The following MACROD2 variants were observed in gnomAD, a reference collection of about 807,000 sequenced individuals.
MACROD2 encodes ADP-ribose glycohydrolase MACROD2.
Under a neutral mutation model 70.4 loss-of-function variants are expected in MACROD2, and 36 were observed. That is an observed-to-expected ratio of 0.51 (90% CI 0.39 to 0.68). The LOEUF is 0.68. Ranked by LOEUF, MACROD2 falls within the 30% of genes least tolerant of loss-of-function variation. The probability of loss-of-function intolerance (pLI) is 0.00; values close to 1 mark genes in which losing one functional copy is unlikely to be tolerated. For synonymous variants in MACROD2, 172 were observed against 178.8 expected (o/e 0.96, Z 0.30); for missense variants, 496 against 538.4 (o/e 0.92, Z 0.78).
At chr20:15,032,017 G>C (rs2075278903) in intron 5 of MACROD2, among the ~76,000 whole-genome samples, 1 of 152,210 alleles carries the variant, frequency 6.6e-6, no homozygotes, top group South Asian at 2.1e-4. Flanking sequence ...AGTCCGGAGG[G>C]GTTGAGGCGT....
At chr20:14,504,919 C>T (rs536502376) in intron 4 of MACROD2, among the ~76,000 whole-genome samples, 48 of 152,066 alleles carry the variant, frequency 3.2e-4, no homozygotes, top group Non-Finnish European at 6.0e-4. Context: ...GTTTTATATA[C>T]ATATGTATCT....
At chr20:14,370,382 C>T (rs1464677216) in intron 3 of MACROD2, among the ~76,000 whole-genome samples, 2 of 152,030 alleles carry the variant, frequency 1.3e-5, no homozygotes, top group Non-Finnish European at 2.9e-5. Context: ...ACTGAAAGGA[C>T]TTTAAGGGCA....
intron 3 of MACROD2, among the ~76,000 whole-genome samples, chr20:14,133,107 T>C (rs934647381): frequency 6.6e-6 from 1 of 152,150 alleles, no homozygotes; most frequent in South Asian, 2.1e-4. Context: ...TTGTTAGCCT[T>C]TTTGTTTTAT....
At chr20:15,542,941 C>G (rs1426747369) in intron 8 of MACROD2, among the ~76,000 whole-genome samples, 4 of 152,192 alleles carry the variant, frequency 2.6e-5, no homozygotes, top group African/African-American at 4.8e-5. Flanking sequence ...GTCTACCCCA[C>G]TGGCAGAGGG....
intron 8 of MACROD2, among the ~76,000 whole-genome samples, chr20:15,564,186 G>A (rs1048504332): frequency 2.0e-5 from 3 of 152,132 alleles, no homozygotes; most frequent in East Asian, 1.9e-4. Context: ...GATAACTGGG[G>A]TAAGTATATT....
At chr20:14,352,928 T>G (rs995008299) in intron 3 of MACROD2, among the ~76,000 whole-genome samples, 1 of 152,308 alleles carries the variant, frequency 6.6e-6, no homozygotes, top group East Asian at 1.9e-4. Flanking sequence ...AAAGTTGAAA[T>G]ATTATGAGTT....
At chr20:15,121,428 G>A (rs2076029352) in intron 5 of MACROD2, among the ~76,000 whole-genome samples, 3 of 149,066 alleles carry the variant, frequency 2.0e-5, no homozygotes, top group Admixed American at 6.8e-5. Context: ...GAGGAGAATC[G>A]CTTGAACCCA....
intron 2 of MACROD2, among the ~76,000 whole-genome samples, chr20:14,070,353 A>G (rs1408953108): frequency 6.6e-6 from 1 of 151,534 alleles, no homozygotes; most frequent in African/African-American, 2.4e-5. Context: ...GTAATCTAGA[A>G]CAATGATCAG....
rs115902315 is a variant in MACROD2, at chr20:15,571,475, T to C, written c.645+71628T>C. Among the ~76,000 whole-genome samples the C allele has an allele frequency of 3.8e-3, 578 of 152,032 alleles. 5 individuals are homozygous for C. The highest frequency in any genetic ancestry group is 0.013 in the African/African-American group (535 of 41,532). On this transcript the variant is annotated intron_variant, in intron 8 of 17. Coordinates refer to ENST00000684519, the MANE Select transcript of MACROD2 (RefSeq NM_001351661.2). ...TTGTTAGGAAAATACACCCTACTAA[T>C]TGCATTACAAATATCTAGTTTTATC...
At chr20:15,303,795 C>T (rs535504198) in intron 6 of MACROD2, among the ~76,000 whole-genome samples, 9 of 152,234 alleles carry the variant, frequency 5.9e-5, no homozygotes, top group East Asian at 3.9e-4. Context: ...TCTACCAACA[C>T]GCCAGTTCTG....
intron 6 of MACROD2, among the ~76,000 whole-genome samples, chr20:15,251,675 C>G (rs2077157247): frequency 6.6e-6 from 1 of 152,040 alleles, no homozygotes; most frequent in Non-Finnish European, 1.5e-5. Context: ...ATCTTCTTTT[C>G]TTTTTCATCT....
chr20:15,057,819 A>C (rs754173071), intron 5 of MACROD2, among the ~76,000 whole-genome samples: 6 of 152,172 alleles, frequency 3.9e-5, no homozygotes, highest in Non-Finnish European at 8.8e-5. Flanking sequence ...TTCATGGGAC[A>C]GAAAAGACAG....
chr20:14,313,421 CT>C (rs1454011006), intron 3 of MACROD2, among the ~76,000 whole-genome samples: 2 of 125,558 alleles, frequency 1.6e-5, no homozygotes, highest in Admixed American at 8.9e-5. Flanking sequence ...TAAACTGCTG[CT>C]TTCCCCCTCC....
chr20:14,728,266 T>C (rs1182263774), intron 5 of MACROD2, among the ~76,000 whole-genome samples: 2 of 152,210 alleles, frequency 1.3e-5, no homozygotes, highest in Non-Finnish European at 2.9e-5. Flanking sequence ...ACAGTGTTAA[T>C]TCATAAGTGG....
At chr20:14,910,355 T>C (rs140563855) in intron 5 of MACROD2, among the ~76,000 whole-genome samples, 3 of 152,302 alleles carry the variant, frequency 2.0e-5, no homozygotes, top group Admixed American at 2.0e-4. Flanking sequence ...TATATAGTAC[T>C]GCAGCCCCTC....
intron 3 of MACROD2, among the ~76,000 whole-genome samples, chr20:14,275,325 C>T (rs970033268): frequency 2.0e-5 from 3 of 152,038 alleles, no homozygotes; most frequent in African/African-American, 4.8e-5. Context: ...GAAATAACGT[C>T]GCATATCTGC....
intron 5 of MACROD2, among the ~76,000 whole-genome samples, chr20:15,020,871 C>T (rs777230273): frequency 7.3e-5 from 11 of 150,816 alleles, no homozygotes; most frequent in Admixed American, 1.3e-4. Flanking sequence ...TGTAATGTGG[C>T]GCATGACTCT....
At chr20:15,360,738 A>G (rs1017069830) in intron 6 of MACROD2, among the ~76,000 whole-genome samples, 2 of 151,794 alleles carry the variant, frequency 1.3e-5, no homozygotes, top group African/African-American at 4.8e-5. Context: ...TCTTCCCCCT[A>G]CCTGTTCTAA....
At chr20:15,031,410 T>C (rs772261778) in intron 5 of MACROD2, among the ~76,000 whole-genome samples, 1 of 152,190 alleles carries the variant, frequency 6.6e-6, no homozygotes, top group Non-Finnish European at 1.5e-5. Flanking sequence ...TGAGTTCTTG[T>C]CTGGCATCCA....
Sources: allele counts gnomAD v4.1 joint callset (sites outside exome capture counted in the v4.1 genomes callset), GRCh38; gene constraint gnomAD v4.1.1; transcripts MANE v1.5; gene names NCBI Gene and HGNC (gene_info 2026-07-23, HGNC 2026-07-21).